Variants in TRIM35 observed in about 807,000 individuals in gnomAD.
TRIM35 encodes the protein tripartite motif containing 35.
TRIM35 carries 37 observed loss-of-function variants against 49.1 expected under a neutral mutation model. The ratio of observed to expected loss-of-function variants is 0.75; its 90% CI spans 0.58 to 0.99. The LOEUF is 0.99. Among genes scored for constraint, TRIM35 ranks in the 50% least tolerant of loss-of-function variants. The probability of loss-of-function intolerance (pLI) is 0.00; values close to 1 mark genes in which losing one functional copy is unlikely to be tolerated. For missense variants in TRIM35, 648 were observed against 702.7 expected (o/e 0.92, Z 0.88); for synonymous variants, 302 against 289.3 (o/e 1.04, Z -0.45).
At chr8:27,303,397 T>C (rs1389785619) in intron 1 of TRIM35, among the ~76,000 whole-genome samples, 1 of 152,218 alleles carries the variant, frequency 6.6e-6, no homozygotes, top group East Asian at 1.9e-4. Flanking sequence ...CTTCTGTGCA[T>C]CTAGTGGTTC....
rs1802346248 is a variant in TRIM35 at position 27,287,391 on chromosome 8, G to A, written c.*159C>T. On this transcript the variant is annotated 3_prime_UTR_variant, in exon 6 of 6. Coordinates refer to ENST00000305364, the MANE Select transcript of TRIM35 (RefSeq NM_171982.5). This position sits in a 1 kb window ranked among gnomAD's most constrained non-coding sequence, Gnocchi z 6.0. ...GCACAGAAGGGACCAAACATGGAGAGAGGCACAGCCTGGAGTCATGGAAAA... is the reference window on the plus strand; with the variant it reads ...GCACAGAAGGGACCAAACATGGAGAAAGGCACAGCCTGGAGTCATGGAAAA... The A allele has an allele frequency of 1.3e-6, 1 of 793,436 alleles. No homozygotes were observed. The highest frequency in any genetic ancestry group is 1.7e-5 in the African/African-American group (1 of 57,312). The allele number at this position is 793,436 out of a possible 1,614,324, so 49.1% of individuals were successfully genotyped here.
chr8:27,311,118 AGTT>A lies in TRIM35; in HGVS notation c.115_117del (p.Asn39del), dbSNP rs1186422414. On this transcript the variant is annotated inframe_deletion, in exon 1 of 6. Transcript: ENST00000305364. ...CAGCGGCTCACGCACCCGCGGCAGA[AGTT>A]GTGGCCGCAGCGCAGAGTGACTGCG... is the stretch of plus-strand genomic sequence containing the variant. 1 of 1,600,860 alleles carries A rather than the reference AGTT, an allele frequency of 6.2e-7. No individual in the cohort carries two copies. The highest frequency in any genetic ancestry group is 8.5e-7 in the Non-Finnish European group (1 of 1,175,084).
rs1802346525 is a variant in TRIM35 at position 27,287,396 on chromosome 8, A to G, written c.*154T>C. 1.2e-6 allele frequency: 1 copy of G among 829,832 alleles called. No individual in the cohort carries two copies. The highest frequency in any genetic ancestry group is 1.7e-5 in the African/African-American group (1 of 58,080). 51.4% of individuals were successfully genotyped at this position (829,832 alleles called of 1,614,324 possible). On this transcript the variant is annotated 3_prime_UTR_variant, in exon 6 of 6. Transcript: ENST00000305364. The surrounding 1 kb of genome is among the most constrained non-coding windows in gnomAD (Gnocchi z 6.0). ...GAAGGGACCAAACATGGAGAGAGGC[A>G]CAGCCTGGAGTCATGGAAAAGGACC...
intron 3 of TRIM35, among the ~76,000 whole-genome samples, chr8:27,291,686 A>C (rs1802457445): frequency 1.3e-5 from 2 of 152,268 alleles, no homozygotes; most frequent in African/African-American, 4.8e-5. Context: ...TTGCTGTAAC[A>C]AAATACCACA....
intron 4 of TRIM35, 50 bp downstream of exon 4, chr8:27,290,106 G>C (rs1336170915): frequency 3.7e-6 from 6 of 1,611,916 alleles, no homozygotes; most frequent in Non-Finnish European, 5.1e-6. Context: ...TTGCACCCCT[G>C]GTATTTCTGC....
chr8:27,294,370 C>A (rs763520541), intron 2 of TRIM35, 60 bp from the exon 3 acceptor site: 2 of 1,500,464 alleles, frequency 1.3e-6, no homozygotes, highest in Non-Finnish European at 8.9e-7. Flanking sequence ...CATAGCCCAG[C>A]AACTTTCCCA....
intron 1 of TRIM35, among the ~76,000 whole-genome samples, chr8:27,303,246 G>C (rs1563443907): frequency 6.6e-6 from 1 of 152,056 alleles, no homozygotes; most frequent in Non-Finnish European, 1.5e-5. Context: ...CATTTAACTG[G>C]AGTATTTAAC....
chr8:27,289,301 T>C lies in TRIM35; in HGVS notation c.786-21A>G, dbSNP rs755986439. ...AGAGTCTGGAAAAGTACAATGGGTATGGTGGGCAGGGCCAGAGCCATGCAA... is the reference window on the plus strand; with the variant it reads ...AGAGTCTGGAAAAGTACAATGGGTACGGTGGGCAGGGCCAGAGCCATGCAA... On this transcript the variant is annotated intron_variant, in intron 4 of 5. Coordinates refer to ENST00000305364, the MANE Select transcript of TRIM35 (RefSeq NM_171982.5). 3.7e-6 allele frequency: 6 copies of C among 1,606,686 alleles called. No individual in the cohort carries two copies. The South Asian group carries it at 4.4e-5, about 12-fold the overall frequency.
intron 1 of TRIM35, among the ~76,000 whole-genome samples, chr8:27,310,293 G>T (rs929879439): frequency 6.6e-6 from 1 of 152,246 alleles, no homozygotes; most frequent in African/African-American, 2.4e-5. Context: ...AGGCCAGCCA[G>T]CCAGGGTCAG....
chr8:27,307,175 C>A (rs1256546904), intron 1 of TRIM35, among the ~76,000 whole-genome samples: 1 of 152,090 alleles, frequency 6.6e-6, no homozygotes, highest in Non-Finnish European at 1.5e-5. Flanking sequence ...GCCAGGCTCC[C>A]AAATCTCATC....
intron 1 of TRIM35, among the ~76,000 whole-genome samples, chr8:27,300,124 C>T (rs1392743833): frequency 1.3e-5 from 2 of 152,172 alleles, no homozygotes; most frequent in Admixed American, 1.3e-4. Context: ...TGGCTTCTGA[C>T]CTACAGCCAG....
At position 27,298,562 on chromosome 8, in the gene TRIM35, G is replaced by A. The variant is rs113764844; in HGVS notation, c.436-3C>T. 2.5e-5 allele frequency: 41 copies of A among 1,613,700 alleles called. No individual in the cohort carries two copies. The East Asian group carries it at 8.9e-4, about 35-fold the overall frequency. The stretch of plus-strand genomic sequence containing the variant: ...TGCTCCATGTTCCTGCACTTGGCCT[G>A]ACATGGGAATGAGAGAGAGGGAGGA... On this transcript the variant is annotated splice_region_variant and splice_polypyrimidine_tract_variant and intron_variant, in intron 1 of 5. Coordinates refer to ENST00000305364, the MANE Select transcript of TRIM35 (RefSeq NM_171982.5).
chr8:27,308,554 C>A (rs1475687328), intron 1 of TRIM35, among the ~76,000 whole-genome samples: 11 of 152,162 alleles, frequency 7.2e-5, no homozygotes, highest in Admixed American at 7.2e-4. Flanking sequence ...TACCGCTCCC[C>A]CACAACCACC....
At chr8:27,308,433 T>C (rs1401807619) in intron 1 of TRIM35, among the ~76,000 whole-genome samples, 1 of 152,172 alleles carries the variant, frequency 6.6e-6, no homozygotes, top group Non-Finnish European at 1.5e-5. Flanking sequence ...CAAACTCCCC[T>C]GTTTAGAATC....
intron 4 of TRIM35, 104 bp downstream of exon 4, chr8:27,290,052 G>A (rs2130260698): frequency 7.6e-7 from 1 of 1,318,956 alleles, no homozygotes; most frequent in South Asian, 1.2e-5. Context: ...GTGTGCTGGT[G>A]CACCCAGCTG....
intron 1 of TRIM35, among the ~76,000 whole-genome samples, chr8:27,301,547 C>T (rs748549966): frequency 4.6e-5 from 7 of 152,098 alleles, no homozygotes; most frequent in South Asian, 2.1e-4. Context: ...TTTTCCATTG[C>T]GTTGCCTGCC....
At chr8:27,295,251 G>T (rs1802541864) in intron 2 of TRIM35, among the ~76,000 whole-genome samples, 1 of 152,194 alleles carries the variant, frequency 6.6e-6, no homozygotes, top group Non-Finnish European at 1.5e-5. Context: ...AAGCCTTGAA[G>T]AAAGAATGAG....
intron 2 of TRIM35, among the ~76,000 whole-genome samples, chr8:27,295,089 G>T (rs1245691839): frequency 6.6e-6 from 1 of 152,202 alleles, no homozygotes; most frequent in Admixed American, 6.5e-5. Context: ...CTCCCAAAGT[G>T]CTGGGATTAC....
intron 1 of TRIM35, among the ~76,000 whole-genome samples, chr8:27,305,972 G>A (rs1451166420): frequency 6.6e-6 from 1 of 152,156 alleles, no homozygotes; most frequent in Non-Finnish European, 1.5e-5. Context: ...GAGTAGCTGG[G>A]ACTACAGGTA....
Sources: gnomAD v4.1 joint callset for allele counts (sites outside exome capture counted in the v4.1 genomes callset) on GRCh38, gnomAD v4.1.1 for gene constraint, Gnocchi (gnomAD v3.1) non-coding constraint, MANE v1.5 for transcripts, NCBI Gene and HGNC (gene_info 2026-07-23, HGNC 2026-07-21) for gene names.